LRRTM4: variants seen among roughly 807,000 people sequenced by gnomAD.
The protein encoded by LRRTM4 is leucine-rich repeat transmembrane neuronal protein 4.
A neutral mutation model predicts 47.6 loss-of-function variants in LRRTM4; 25 were observed. The ratio of observed to expected loss-of-function variants is 0.53; its 90% CI spans 0.38 to 0.73. LRRTM4 has a LOEUF of 0.73. Ranked by LOEUF, LRRTM4 falls within the 30% of genes least tolerant of loss-of-function variation. The pLI is 0.00. For synonymous variants in LRRTM4, 311 were observed against 269.5 expected, an observed-to-expected ratio of 1.15 and a Z score of -1.51; for missense variants, 638 against 713.4, an observed-to-expected ratio of 0.89 and a Z score of 1.20.
At chr2:76,821,310 G>A (rs1260562277) in intron 3 of LRRTM4, among the ~76,000 whole-genome samples, 3 of 151,766 alleles carry the variant, frequency 2.0e-5, no homozygotes, top group South Asian at 4.1e-4. Context: ...CATAAAAAGT[G>A]ATTTAAAAAT....
Position 77,307,561 on chromosome 2 carries a change from TA to T in LRRTM4, c.1551+210756del, listed in dbSNP as rs563965367. Among the ~76,000 whole-genome samples, 15 of 134,282 alleles carry T rather than the reference TA, an allele frequency of 1.1e-4. No individual in the cohort carries two copies. In the South Asian group the frequency reaches 1.4e-3, roughly 12 times the overall value. The allele number at this position is 134,282 out of a possible 152,430, so 88.1% of individuals were successfully genotyped here. A position where few individuals can be genotyped will look rare whatever the true frequency, so the allele number is the denominator to read the frequency against. ...GATATATCTATATATTATAGAAATA[TA>T]AATATATAGATATATCTATATATTA... On this transcript the variant is annotated intron_variant, in intron 3 of 3. Transcript: ENST00000409884.
intron 3 of LRRTM4, chr2:77,517,059 T>C: frequency 1.0e-6 from 1 of 985,002 alleles, no homozygotes. Context: ...ATTTAACCTC[T>C]CTTCACTAGT....
At chr2:77,439,525 A>T (rs1308561999) in intron 3 of LRRTM4, among the ~76,000 whole-genome samples, 1 of 152,090 alleles carries the variant, frequency 6.6e-6, no homozygotes, top group Non-Finnish European at 1.5e-5. Flanking sequence ...TGAGGAAGAA[A>T]TCTGTACAAA....
intron 3 of LRRTM4, among the ~76,000 whole-genome samples, chr2:77,481,730 T>C (rs1166291847): frequency 2.6e-5 from 4 of 152,234 alleles, no homozygotes; most frequent in African/African-American, 9.6e-5. Context: ...CAGATATTCC[T>C]TGTCAGTTTC....
At chr2:76,979,696 C>CTATAGATAGATA (rs1491210096) in intron 3 of LRRTM4, among the ~76,000 whole-genome samples, 1 of 146,452 alleles carries the variant, frequency 6.8e-6, no homozygotes, top group African/African-American at 2.6e-5. Context: ...AGAGTATAAG[C>CTATAGATAGATA]GATAGATAGA....
chr2:77,112,932 A>G (rs530856130), intron 3 of LRRTM4, among the ~76,000 whole-genome samples: 29 of 152,278 alleles, frequency 1.9e-4, no homozygotes, highest in Admixed American at 7.8e-4. Context: ...CATACGAGGG[A>G]GAATTTCTTG....
At chr2:77,508,690 T>C (rs1243428766) in intron 3 of LRRTM4, among the ~76,000 whole-genome samples, 4 of 152,064 alleles carry the variant, frequency 2.6e-5, no homozygotes, top group African/African-American at 7.2e-5. Context: ...TATATTACAC[T>C]ATGGGGACAA....
chr2:76,820,202 G>T (rs78065599), intron 3 of LRRTM4, among the ~76,000 whole-genome samples: 4,421 of 151,920 alleles, frequency 0.029, 206 homozygotes, highest in African/African-American at 0.088. Flanking sequence ...TTCTCATGTT[G>T]CATGACTACT....
chr2:77,286,329 C>G (rs1312712283), intron 3 of LRRTM4, among the ~76,000 whole-genome samples: 1 of 151,794 alleles, frequency 6.6e-6, no homozygotes, highest in Non-Finnish European at 1.5e-5. Context: ...AGTCAAAGCT[C>G]ACATTAATAA....
intron 3 of LRRTM4, among the ~76,000 whole-genome samples, chr2:76,835,482 A>C (rs1671483459): frequency 6.6e-6 from 1 of 152,124 alleles, no homozygotes; most frequent in Admixed American, 6.6e-5. Context: ...CATTTAGAGA[A>C]AGGAAGAGAA....
chr2:76,760,788 T>C (rs62170446), intron 3 of LRRTM4, among the ~76,000 whole-genome samples: 3,042 of 152,268 alleles, frequency 0.02, 51 homozygotes, highest in Non-Finnish European at 0.028. Context: ...AGGCCTGGGA[T>C]GTGTAAGGAC....
chr2:77,282,189 T>C (rs755118061), intron 3 of LRRTM4, among the ~76,000 whole-genome samples: 5 of 151,940 alleles, frequency 3.3e-5, no homozygotes, highest in Non-Finnish European at 5.9e-5. Context: ...ATACTTCATT[T>C]TTTGGTGGCT....
chr2:76,987,107 T>G (rs1676825248), intron 3 of LRRTM4, among the ~76,000 whole-genome samples: 1 of 151,940 alleles, frequency 6.6e-6, no homozygotes. Context: ...ATAACAATTC[T>G]TATTTATTTA....
At position 77,104,359 on chromosome 2, in the gene LRRTM4, T is replaced by A. The variant is rs1484378644; in HGVS notation, c.1552-355443A>T. ...TTCACTCTCCACGTGGTGGTCAGAG[T>A]GACCATTTTAAAATGTAAGTTAGCT... On this transcript the variant is annotated intron_variant, in intron 3 of 3. Transcript: ENST00000409884. Among the ~76,000 whole-genome samples the A allele has an allele frequency of 5.9e-5, 9 of 152,168 alleles. No individual in the cohort carries two copies. In the East Asian group the frequency reaches 1.7e-3, roughly 29 times the overall value.
chr2:76,856,213 G>A (rs568469490), intron 3 of LRRTM4, among the ~76,000 whole-genome samples: 11 of 152,208 alleles, frequency 7.2e-5, no homozygotes, highest in African/African-American at 2.2e-4. Flanking sequence ...GGAGGCAGAG[G>A]TTGCAGTGAG....
chr2:77,117,781 T>C (rs1671426175), intron 3 of LRRTM4, among the ~76,000 whole-genome samples: 2 of 152,074 alleles, frequency 1.3e-5, no homozygotes, highest in Non-Finnish European at 2.9e-5. Flanking sequence ...AGAGACTTCA[T>C]TTACTCAGAC....
intron 3 of LRRTM4, among the ~76,000 whole-genome samples, chr2:76,996,583 G>C (rs1429675384): frequency 6.6e-6 from 1 of 152,004 alleles, no homozygotes; most frequent in South Asian, 2.1e-4. Context: ...CTATAAAGCT[G>C]CACTAATTCT....
chr2:77,078,419 C>G (rs954049410), intron 3 of LRRTM4, among the ~76,000 whole-genome samples: 1 of 151,804 alleles, frequency 6.6e-6, no homozygotes, highest in Non-Finnish European at 1.5e-5. Flanking sequence ...TGTTCTGGTG[C>G]ACTGCTCTGT....
chr2:77,148,811 A>G (rs1672341338), intron 3 of LRRTM4, among the ~76,000 whole-genome samples: 1 of 152,148 alleles, frequency 6.6e-6, no homozygotes, highest in Admixed American at 6.5e-5. Flanking sequence ...ATGAGGAAAC[A>G]AAAGTTAGGA....
Sources: allele counts gnomAD v4.1 joint callset (sites outside exome capture counted in the v4.1 genomes callset), GRCh38; gene constraint gnomAD v4.1.1; transcripts MANE v1.5; gene names NCBI Gene and HGNC (gene_info 2026-07-23, HGNC 2026-07-21).